The following SPOCK3 variants were observed in gnomAD, a reference collection of about 807,000 sequenced individuals.
SPOCK3 encodes testican-3.
Under a neutral mutation model 56.6 loss-of-function variants are expected in SPOCK3, and 30 were observed. The observed-to-expected ratio is 0.53, with a 90% CI of 0.40 to 0.72. The LOEUF is 0.72. Among genes scored for constraint, SPOCK3 ranks in the 30% least tolerant of loss-of-function variants. The pLI, the probability that SPOCK3 is intolerant of heterozygous loss-of-function variation, is 0.00. For synonymous variants in SPOCK3, 196 were observed against 183.3 expected, an observed-to-expected ratio of 1.07 and a Z score of -0.56; for missense variants, 527 against 530.0, an observed-to-expected ratio of 0.99 and a Z score of 0.06.
At chr4:167,149,131 CT>C (rs1764204348) in intron 2 of SPOCK3, among the ~76,000 whole-genome samples, 1 of 152,066 alleles carries the variant, frequency 6.6e-6, no homozygotes, top group Non-Finnish European at 1.5e-5. Flanking sequence ...GCAATATCTG[CT>C]TTTGGTCTAA....
intron 4 of SPOCK3, among the ~76,000 whole-genome samples, chr4:166,983,101 G>A (rs1049951482): frequency 6.6e-6 from 1 of 152,020 alleles, no homozygotes; most frequent in Admixed American, 6.6e-5. Flanking sequence ...TAACTTTCAG[G>A]ACTTTTTCCA....
At chr4:166,958,901 GC>G (rs1357121758) in intron 4 of SPOCK3, among the ~76,000 whole-genome samples, 1 of 152,312 alleles carries the variant, frequency 6.6e-6, no homozygotes. Flanking sequence ...AAGACAGAAA[GC>G]CTTCTCTCCT....
chr4:167,078,427 G>T (rs536045190), intron 2 of SPOCK3, among the ~76,000 whole-genome samples: 1 of 149,100 alleles, frequency 6.7e-6, no homozygotes, highest in East Asian at 2.1e-4. Context: ...TACAGCAAAA[G>T]GTAAGTTGTC....
At chr4:167,190,941 A>T (rs913546943) in intron 2 of SPOCK3, among the ~76,000 whole-genome samples, 1 of 145,334 alleles carries the variant, frequency 6.9e-6, no homozygotes, top group African/African-American at 2.6e-5. Flanking sequence ...AAGTGCATTA[A>T]TTGACTTCTG....
intron 6 of SPOCK3, among the ~76,000 whole-genome samples, chr4:166,854,646 C>T (rs553629487): frequency 1.3e-5 from 2 of 152,152 alleles, no homozygotes; most frequent in South Asian, 2.1e-4. Flanking sequence ...CAAAATTATA[C>T]TGTTGACTCA....
intron 6 of SPOCK3, among the ~76,000 whole-genome samples, chr4:166,847,711 G>A (rs1287745636): frequency 8.7e-6 from 1 of 115,014 alleles, no homozygotes; most frequent in African/African-American, 3.1e-5. Flanking sequence ...TTTACAGCTT[G>A]CAATGACAAT....
intron 3 of SPOCK3, among the ~76,000 whole-genome samples, chr4:167,057,332 A>T (rs1279792807): frequency 1.3e-5 from 2 of 152,204 alleles, no homozygotes; most frequent in Admixed American, 6.5e-5. Flanking sequence ...CTGCAAAATC[A>T]TGCCAAATTG....
intron 5 of SPOCK3, among the ~76,000 whole-genome samples, chr4:166,907,377 G>A (rs1736739915): frequency 6.6e-6 from 1 of 151,976 alleles, no homozygotes; most frequent in South Asian, 2.1e-4. Context: ...CTATTCAAAG[G>A]CACCAGTCAT....
At chr4:167,039,311 G>A (rs1753045588) in intron 3 of SPOCK3, among the ~76,000 whole-genome samples, 1 of 152,134 alleles carries the variant, frequency 6.6e-6, no homozygotes, top group South Asian at 2.1e-4. Context: ...TTTATTTTCA[G>A]TTAAGGTCAC....
intron 2 of SPOCK3, among the ~76,000 whole-genome samples, chr4:167,223,266 A>G (rs1736244359): frequency 1.4e-5 from 2 of 142,190 alleles, no homozygotes; most frequent in African/African-American, 5.1e-5. Flanking sequence ...ATATGTATAT[A>G]TTCATTTATA....
chr4:166,990,874 G>C (rs1399612589), intron 4 of SPOCK3, among the ~76,000 whole-genome samples: 5 of 151,946 alleles, frequency 3.3e-5, no homozygotes, highest in Non-Finnish European at 5.9e-5. Context: ...GAACTGGAGA[G>C]AGAAATATTT....
intron 2 of SPOCK3, among the ~76,000 whole-genome samples, chr4:167,192,299 T>G (rs1732538192): frequency 6.9e-6 from 1 of 145,786 alleles, no homozygotes; most frequent in Non-Finnish European, 1.5e-5. Flanking sequence ...TCCAACCCGA[T>G]AATATGAATT....
At chr4:167,199,619 T>C (rs1401494662) in intron 2 of SPOCK3, among the ~76,000 whole-genome samples, 3 of 151,480 alleles carry the variant, frequency 2.0e-5, no homozygotes, top group Admixed American at 6.6e-5. Flanking sequence ...TTTGCAAGAA[T>C]AGCCCCCAGG....
At chr4:167,022,195 T>G (rs898209233) in intron 3 of SPOCK3, among the ~76,000 whole-genome samples, 3 of 151,878 alleles carry the variant, frequency 2.0e-5, no homozygotes, top group Admixed American at 2.0e-4. Context: ...AGATCCAGAT[T>G]GAGAAGCAAG....
At chr4:166,771,453 TAA>T (rs1385208094) in intron 7 of SPOCK3, among the ~76,000 whole-genome samples, 2 of 152,058 alleles carry the variant, frequency 1.3e-5, no homozygotes, top group African/African-American at 4.8e-5. Flanking sequence ...CTAGGTATAT[TAA>T]AAACAAACAA....
intron 2 of SPOCK3, among the ~76,000 whole-genome samples, chr4:167,080,202 A>AC (rs970482857): frequency 2.6e-5 from 4 of 152,124 alleles, no homozygotes; most frequent in African/African-American, 9.6e-5. Flanking sequence ...AAGATAGTTC[A>AC]CCTTGCAGGT....
At chr4:166,905,088 T>G (rs546630982) in intron 5 of SPOCK3, among the ~76,000 whole-genome samples, 42 of 152,134 alleles carry the variant, frequency 2.8e-4, no homozygotes, top group Middle Eastern at 3.4e-3. Flanking sequence ...AAAAAAGTCT[T>G]GTAATTTTTT....
At chr4:166,961,741 A>G (rs924265132) in intron 4 of SPOCK3, among the ~76,000 whole-genome samples, 3 of 152,150 alleles carry the variant, frequency 2.0e-5, no homozygotes, top group African/African-American at 7.2e-5. Context: ...TCAAGAATCA[A>G]ACAAACAAAA....
intron 6 of SPOCK3, among the ~76,000 whole-genome samples, chr4:166,884,390 C>T (rs957531636): frequency 6.6e-6 from 1 of 151,314 alleles, no homozygotes; most frequent in Admixed American, 6.6e-5. Context: ...AAAAAAATGA[C>T]CGATAATAAC....
Sources: allele counts gnomAD v4.1 joint callset (sites outside exome capture counted in the v4.1 genomes callset), GRCh38; gene constraint gnomAD v4.1.1; transcripts MANE v1.5; gene names NCBI Gene and HGNC (gene_info 2026-07-23, HGNC 2026-07-21).